Variants in TMLHE observed in about 807,000 individuals in gnomAD.
TMLHE encodes trimethyllysine hydroxylase, epsilon.
A neutral mutation model predicts 25.7 loss-of-function variants in TMLHE; 18 were observed. The observed-to-expected ratio is 0.70, with a 90% CI of 0.48 to 1.04. The LOEUF (loss-of-function observed/expected upper bound fraction) is 1.04. TMLHE is among the 50% of genes least tolerant of loss of function. The pLI, the probability that TMLHE is intolerant of heterozygous loss-of-function variation, is 0.00. For synonymous variants in TMLHE, 105 were observed against 97.0 expected (o/e 1.08, Z -0.49); for missense variants, 236 against 259.0 (o/e 0.91, Z 0.61).
intron 2 of TMLHE, among the ~76,000 whole-genome samples, chrX:155,541,164 T>C (rs1215091092): frequency 4.5e-5 from 5 of 110,960 alleles, no homozygotes; most frequent in Admixed American, 1.9e-4. Context: ...GTCATCTACA[T>C]TAGGTATTTC....
At chrX:155,515,817 G>A (rs1481604923) in intron 3 of TMLHE, among the ~76,000 whole-genome samples, 1 of 109,913 alleles carries the variant, frequency 9.1e-6, no homozygotes, top group African/African-American at 3.3e-5. Flanking sequence ...GCTTGGTTTT[G>A]TAATGCCTGT....
At chrX:155,604,993 C>T (rs1215915627) in intron 1 of TMLHE, among the ~76,000 whole-genome samples, 1 of 111,595 alleles carries the variant, frequency 9.0e-6, no homozygotes, top group Non-Finnish European at 1.9e-5. Flanking sequence ...TCTGGCAACC[C>T]ACAAAGCCAG....
At chrX:155,597,964 C>G (rs2067732601) in intron 1 of TMLHE, among the ~76,000 whole-genome samples, 1 of 110,852 alleles carries the variant, frequency 9.0e-6, no homozygotes, top group Non-Finnish European at 1.9e-5. Context: ...CAATAAATTT[C>G]TGTTGGAGAA....
intron 1 of TMLHE, among the ~76,000 whole-genome samples, chrX:155,545,544 A>G (rs1161174597): frequency 8.9e-6 from 1 of 111,893 alleles, no homozygotes; most frequent in African/African-American, 3.2e-5. Flanking sequence ...AAAATTCACT[A>G]ATCTTAACCT....
intron 1 of TMLHE, among the ~76,000 whole-genome samples, chrX:155,555,595 T>C (rs1231279119): frequency 9.0e-6 from 1 of 111,156 alleles, no homozygotes; most frequent in East Asian, 2.8e-4. Context: ...TGGTATCTCA[T>C]TGTGGTTTTG....
intron 1 of TMLHE, among the ~76,000 whole-genome samples, chrX:155,600,150 T>C (rs1300897795): frequency 8.9e-6 from 1 of 111,956 alleles, no homozygotes; most frequent in African/African-American, 3.2e-5. Flanking sequence ...CAGTATATTT[T>C]CTTTTGTTCA....
chrX:155,559,289 C>G (rs1323471498), intron 1 of TMLHE, among the ~76,000 whole-genome samples: 1 of 111,009 alleles, frequency 9.0e-6, no homozygotes, highest in African/African-American at 3.3e-5. Context: ...CCTTATCCTT[C>G]CAAATACTAA....
At chrX:155,555,579 G>T (rs372653248) in intron 1 of TMLHE, among the ~76,000 whole-genome samples, 1 of 109,204 alleles carries the variant, frequency 9.2e-6, no homozygotes, top group African/African-American at 3.3e-5. Context: ...TCTAACTGGC[G>T]TGAGATGGTA....
intron 4 of TMLHE, among the ~76,000 whole-genome samples, chrX:155,512,173 A>T (rs1408359455): frequency 4.5e-5 from 5 of 110,332 alleles, no homozygotes; most frequent in Admixed American, 9.7e-5. Context: ...TTATTTTATT[A>T]ATTATTATTA....
intron 1 of TMLHE, among the ~76,000 whole-genome samples, chrX:155,566,938 C>T (rs1372680953): frequency 1.6e-5 from 1 of 62,164 alleles, no homozygotes; most frequent in African/African-American, 3.6e-5. Context: ...TTGAACCAAA[C>T]GTGCTGGTGT....
At position 155,594,323 on chromosome X, in the gene TMLHE, CA is replaced by C. The variant is rs201928750; in HGVS notation, c.-2+18468del. On this transcript the variant is annotated intron_variant, in intron 1 of 7. Transcript: ENST00000334398. ...GTGCCAAAGTGGGGAGGGGGAAACCCAGCAACCAAGATTACTTTAACTGGCA... is the reference window on the plus strand; with the variant it reads ...GTGCCAAAGTGGGGAGGGGGAAACCCGCAACCAAGATTACTTTAACTGGCA... Among the ~76,000 whole-genome samples, 766 of 111,268 alleles carry C rather than the reference CA, an allele frequency of 6.9e-3. 6 individuals are homozygous for C. The highest frequency in any genetic ancestry group is 0.024 in the African/African-American group (726 of 30,607).
chrX:155,514,055 G>A lies in TMLHE; in HGVS notation c.569C>T (p.Ala190Val). The change falls in exon 4 of 8, where the codon GCA becomes GTA. Residue 190 changes from alanine (A) to valine (V), a missense_variant. Around this residue, in one of 2 missense-constraint regions of TMLHE, gnomAD observed 217 missense variants for 214.6 expected, o/e 1.01. Coordinates refer to ENST00000334398, the MANE Select transcript of TMLHE (RefSeq NM_018196.4). ...AGTGGGAGGGACATTTTCTACGAAT[G>A]CAATTCCATAGAGCAGAAAGTTTTG... ...FLQNFLLYGI[A>V]FVENVPPTQE... 1 of 1,210,757 alleles carries A rather than the reference G, an allele frequency of 8.3e-7. No homozygotes were observed. The highest frequency in any genetic ancestry group is 1.1e-6 in the Non-Finnish European group (1 of 894,810).
chrX:155,574,755 A>G (rs1241508773), intron 1 of TMLHE, among the ~76,000 whole-genome samples: 1 of 111,907 alleles, frequency 8.9e-6, no homozygotes, highest in Non-Finnish European at 1.9e-5. Flanking sequence ...ATCAACAAAG[A>G]GACAGAAATT....
In TMLHE at chrX:155,606,085, C is replaced by T. The variant is rs183593948; in HGVS notation, c.-2+6707G>A. ...TATATGCACCCAACACAGGAGCACC[C>T]GGATTCATAAAACCAGTTTTCAGAG... is the stretch of plus-strand genomic sequence containing the variant. On this transcript the variant is annotated intron_variant, in intron 1 of 7. Coordinates refer to ENST00000334398, the MANE Select transcript of TMLHE (RefSeq NM_018196.4). 1.1e-4 allele frequency among the ~76,000 whole-genome samples: 12 copies of T among 111,879 alleles called. No individual in the cohort carries two copies. The East Asian group carries it at 2.0e-3, about 18-fold the overall frequency.
intron 1 of TMLHE, among the ~76,000 whole-genome samples, chrX:155,606,392 A>T (rs2124503706): frequency 8.9e-6 from 1 of 111,901 alleles, no homozygotes; most frequent in South Asian, 3.7e-4. Context: ...CAACAAAAAC[A>T]AAAATCATAC....
intron 2 of TMLHE, 32 bp from the exon 3 acceptor site, chrX:155,524,664 T>G: frequency 9.0e-7 from 1 of 1,109,529 alleles, no homozygotes. Flanking sequence ...TCAGAACTAT[T>G]TATTGAGATA....
Position 155,524,571 on chromosome X carries a change from G to C in TMLHE, c.243C>G (p.Arg81=). 1 of 1,206,833 alleles carries C rather than the reference G, an allele frequency of 8.3e-7. No individual in the cohort carries two copies. The highest frequency in any genetic ancestry group is 1.8e-5 in the South Asian group (1 of 55,618). Residue 81 remains arginine, a synonymous_variant, in exon 3 of 8, where the codon CGC becomes CGG. Coordinates refer to ENST00000334398, the MANE Select transcript of TMLHE (RefSeq NM_018196.4). The part of the protein sequence containing the change: ...FDYVWLRDHC[R]SASCYNSKTH... The stretch of plus-strand genomic sequence containing the variant: ...TCTTAGAGTTGTAGCACGATGCTGA[G>C]CGGCAGTGGTCTCGAAGCCAGACGT...
intron 1 of TMLHE, among the ~76,000 whole-genome samples, chrX:155,587,411 C>T (rs782794766): frequency 5.1e-4 from 57 of 111,414 alleles, no homozygotes; most frequent in African/African-American, 1.6e-3. Flanking sequence ...TAACATCATA[C>T]CAAATGGAAA....
intron 1 of TMLHE, among the ~76,000 whole-genome samples, chrX:155,588,697 AATAC>A (rs2067678626): frequency 8.9e-6 from 1 of 111,965 alleles, no homozygotes; most frequent in Non-Finnish European, 1.9e-5. Flanking sequence ...TTCTTTTTAA[AATAC>A]ATACAAATTG....
Sources: gnomAD v4.1 joint callset for allele counts (sites outside exome capture counted in the v4.1 genomes callset) on GRCh38, gnomAD v4.1.1 for gene constraint, gnomAD v4.1.1 regional missense constraint, MANE v1.5 for transcripts, NCBI Gene and HGNC (gene_info 2026-07-23, HGNC 2026-07-21) for gene names.